The following LAMB4 variants were observed in gnomAD, a reference collection of about 807,000 sequenced individuals.
LAMB4 encodes the protein laminin subunit beta-4.
Under a neutral mutation model 199.2 loss-of-function variants are expected in LAMB4, and 196 were observed. That is an observed-to-expected ratio of 0.98 (90% CI 0.88 to 1.11). LAMB4 has a LOEUF of 1.11. Among genes scored for constraint, LAMB4 ranks in the 50% least tolerant of loss-of-function variants. The pLI is 0.00. For missense variants in LAMB4, 2,080 were observed against 2,171.2 expected (o/e 0.96, Z 0.83); for synonymous variants, 744 against 770.6 (o/e 0.97, Z 0.57).
intron 33 of LAMB4, chr7:108,026,913 A>G (rs1421082681): frequency 3.9e-6 from 2 of 518,026 alleles, no homozygotes; most frequent in South Asian, 2.8e-5. Context: ...TTCTGAAAAC[A>G]GCCTCAAAAG....
chr7:108,033,985 G>A (rs2035136218), intron 31 of LAMB4, among the ~76,000 whole-genome samples: 1 of 151,984 alleles, frequency 6.6e-6, no homozygotes, highest in African/African-American at 2.4e-5. Context: ...GCTGGTGTTA[G>A]TACCTGCCTT....
chr7:108,129,781 G>A (rs566611920), intron 1 of LAMB4, among the ~76,000 whole-genome samples: 9 of 152,152 alleles, frequency 5.9e-5, no homozygotes, highest in African/African-American at 9.6e-5. Flanking sequence ...TGCCTGCCTC[G>A]GCCTCCCAGA....
At chr7:108,021,844 T>C (rs60860339), downstream of LAMB4, among the ~76,000 whole-genome samples, 621 of 152,354 alleles carry the variant, frequency 4.1e-3, 2 homozygotes, top group African/African-American at 0.014. Context: ...CCTTCCTATC[T>C]TGGAGGATTC....
At chr7:108,042,589 CA>C (rs575967069) in intron 29 of LAMB4, among the ~76,000 whole-genome samples, 55 of 152,260 alleles carry the variant, frequency 3.6e-4, no homozygotes, top group African/African-American at 1.3e-3. Context: ...GAATCAACAA[CA>C]TGTCCAGTAG....
chr7:108,084,952 T>C (rs2037112425), intron 14 of LAMB4, among the ~76,000 whole-genome samples: 1 of 151,706 alleles, frequency 6.6e-6, no homozygotes, highest in African/African-American at 2.4e-5. Flanking sequence ...AAATCTAGTC[T>C]AGTCTCAAAC....
intron 1 of LAMB4, 89 bp downstream of exon 1, chr7:108,130,217 T>C (rs2038930361): frequency 6.6e-6 from 1 of 152,218 alleles, no homozygotes; most frequent in Non-Finnish European, 1.5e-5. Context: ...TCTTACTTTA[T>C]GACAACTCCA....
intron 30 of LAMB4, 126 bp from the exon 31 acceptor site, chr7:108,034,472 T>C: frequency 1.4e-6 from 1 of 740,274 alleles, no homozygotes; most frequent in East Asian, 2.7e-5. Context: ...AAATTACTCT[T>C]AAACAAGAGA....
chr7:108,077,476 T>C (rs1020979858), intron 16 of LAMB4, among the ~76,000 whole-genome samples: 1 of 152,114 alleles, frequency 6.6e-6, no homozygotes, highest in African/African-American at 2.4e-5. Context: ...GGGCAGATCA[T>C]GAGATCAGGA....
At chr7:108,044,663 T>C (rs1421850343) in intron 28 of LAMB4, among the ~76,000 whole-genome samples, 3 of 151,958 alleles carry the variant, frequency 2.0e-5, no homozygotes, top group Non-Finnish European at 4.4e-5. Context: ...TAGGAAAAAA[T>C]AAAATCCGCT....
Position 108,043,906 on chromosome 7 carries a change from G to C in LAMB4, c.4327-10C>G, listed in dbSNP as rs2035526275. ...CACTTATACTTTCGATCTGGAATGA[G>C]AAAAACACAATGAAGAATACTCGAC... On this transcript the variant is annotated splice_polypyrimidine_tract_variant and intron_variant, in intron 28 of 33. Transcript: ENST00000388781. The C allele has an allele frequency of 1.3e-6, 2 of 1,593,440 alleles. No individual in the cohort carries two copies. Among genetic ancestry groups the C allele is most frequent in the Non-Finnish European group, 1.7e-6 (2 of 1,173,376 alleles).
intron 10 of LAMB4, among the ~76,000 whole-genome samples, chr7:108,101,591 G>C (rs1481600853): frequency 6.6e-6 from 1 of 152,148 alleles, no homozygotes; most frequent in Non-Finnish European, 1.5e-5. Context: ...TTGTTCGTCG[G>C]CAAGTAAAGA....
intron 14 of LAMB4, among the ~76,000 whole-genome samples, chr7:108,091,162 C>A: frequency 6.6e-6 from 1 of 151,784 alleles, no homozygotes; most frequent in South Asian, 2.1e-4. Flanking sequence ...TCTATACTTT[C>A]GTCATGCATT....
the LAMB4 span, among the ~76,000 whole-genome samples, chr7:108,013,503 C>G: frequency 1.3e-5 from 2 of 152,124 alleles, no homozygotes; most frequent in Admixed American, 1.3e-4. Context: ...AGTGACTGCT[C>G]TCTACTGTAA....
intron 23 of LAMB4, among the ~76,000 whole-genome samples, chr7:108,061,860 T>C (rs551010572): frequency 2.6e-5 from 4 of 152,260 alleles, no homozygotes; most frequent in Admixed American, 2.0e-4. Context: ...TCAAAAGACT[T>C]GACCTTTGAA....
intron 4 of LAMB4, among the ~76,000 whole-genome samples, chr7:108,111,091 A>G (rs2038207695): frequency 1.3e-5 from 2 of 152,210 alleles, no homozygotes; most frequent in Non-Finnish European, 2.9e-5. Context: ...GAAGAGTTCC[A>G]GACTAGTGTT....
intron 14 of LAMB4, among the ~76,000 whole-genome samples, chr7:108,088,152 G>A (rs2150601023): frequency 6.7e-6 from 1 of 149,198 alleles, no homozygotes; most frequent in African/African-American, 2.5e-5. Flanking sequence ...TCCATGCAAA[G>A]CTGTTGCTAA....
chr7:108,030,017 CA>C (rs1186457262), intron 32 of LAMB4, among the ~76,000 whole-genome samples: 4 of 150,968 alleles, frequency 2.6e-5, no homozygotes, highest in Non-Finnish European at 4.4e-5. Flanking sequence ...ACTCAGGAGG[CA>C]AAGGCAGCAG....
chr7:108,013,446 T>C, the LAMB4 span, among the ~76,000 whole-genome samples: 1 of 152,224 alleles, frequency 6.6e-6, no homozygotes, highest in Non-Finnish European at 1.5e-5. Context: ...ATGATTTAGA[T>C]GCATGAATAT....
intron 33 of LAMB4, among the ~76,000 whole-genome samples, chr7:108,025,417 C>CTTTCCTTTCTTTCTTCTTTCT: frequency 9.3e-6 from 1 of 107,860 alleles, no homozygotes; most frequent in African/African-American, 6.6e-5. Context: ...TTCTTTCTTT[C>CTTTCCTTTCTTTCTTCTTTCT]TTCTTTCTTT....
Sources: gnomAD v4.1 joint callset for allele counts (sites outside exome capture counted in the v4.1 genomes callset) on GRCh38, gnomAD v4.1.1 for gene constraint, MANE v1.5 for transcripts, NCBI Gene and HGNC (gene_info 2026-07-23, HGNC 2026-07-21) for gene names.